Variants in TMEM178B observed in about 807,000 individuals in gnomAD.
TMEM178B encodes the protein transmembrane protein 178B.
A neutral mutation model predicts 31.0 loss-of-function variants in TMEM178B; 5 were observed. That is an observed-to-expected ratio of 0.16 (90% CI 0.08 to 0.34). The LOEUF is 0.34. Among genes scored for constraint, TMEM178B ranks in the 10% least tolerant of loss-of-function variants. TMEM178B has a pLI of 1.00. For missense variants in TMEM178B, 275 were observed against 400.3 expected (o/e 0.69, Z 2.67); for synonymous variants, 164 against 164.0 (o/e 1.00, Z 0.00).
intron 2 of TMEM178B, chr7:141,430,177 C>T (rs1211517208): frequency 1.3e-5 from 2 of 152,216 alleles, no homozygotes; most frequent in Non-Finnish European, 2.9e-5. Flanking sequence ...ATGCCTTCAC[C>T]TTGGCCTCTC....
intron 1 of TMEM178B, among the ~76,000 whole-genome samples, chr7:141,168,644 C>G (rs976359544): frequency 6.6e-6 from 1 of 151,996 alleles, no homozygotes; most frequent in Non-Finnish European, 1.5e-5. Context: ...GTGGCGAGCA[C>G]CTCTAATCCC....
chr7:141,371,565 A>G (rs1201004506), intron 2 of TMEM178B, among the ~76,000 whole-genome samples: 1 of 152,234 alleles, frequency 6.6e-6, no homozygotes, highest in East Asian at 1.9e-4. Flanking sequence ...GTGGGGCTAG[A>G]AGGAAGAAGG....
At chr7:141,310,506 C>G (rs1422433181) in intron 2 of TMEM178B, among the ~76,000 whole-genome samples, 1 of 152,118 alleles carries the variant, frequency 6.6e-6, no homozygotes, top group Non-Finnish European at 1.5e-5. Context: ...TTTGCTGCAC[C>G]TATCAACCCA....
At chr7:141,199,304 G>A (rs544707559) in intron 1 of TMEM178B, among the ~76,000 whole-genome samples, 1 of 152,332 alleles carries the variant, frequency 6.6e-6, no homozygotes, top group East Asian at 1.9e-4. Context: ...ATAGGTTGCT[G>A]CAAAAGTAAT....
In TMEM178B at chr7:141,392,151, T is replaced by C. The variant is rs112997156; in HGVS notation, c.497-45457T>C. Among the ~76,000 whole-genome samples the C allele has an allele frequency of 8.9e-3, 1,357 of 152,294 alleles. 27 individuals carry two copies. The highest frequency in any genetic ancestry group is 0.03 in the African/African-American group (1,228 of 41,560). ...GAAAGAAAAGTACAATAAACAATTA[T>C]ATACTGATCACTCAGATTCAAAACA... On this transcript the variant is annotated intron_variant, in intron 2 of 3. Coordinates refer to ENST00000565468, the MANE Select transcript of TMEM178B (RefSeq NM_001195278.2).
intron 2 of TMEM178B, among the ~76,000 whole-genome samples, chr7:141,245,868 G>A (rs1797722531): frequency 1.3e-5 from 2 of 152,172 alleles, no homozygotes; most frequent in Admixed American, 6.5e-5. Flanking sequence ...AAATGTTATT[G>A]TGTGGAGACA....
At chr7:141,307,341 C>A (rs115492942) in intron 2 of TMEM178B, among the ~76,000 whole-genome samples, 2 of 152,166 alleles carry the variant, frequency 1.3e-5, no homozygotes, top group Admixed American at 6.5e-5. Flanking sequence ...AATTTCCATA[C>A]GGGTATATTT....
chr7:141,312,946 G>A (rs1266566272), intron 2 of TMEM178B, among the ~76,000 whole-genome samples: 1 of 152,160 alleles, frequency 6.6e-6, no homozygotes, highest in African/African-American at 2.4e-5. Context: ...AATAACAGAT[G>A]TCCAAATTTA....
intron 2 of TMEM178B, among the ~76,000 whole-genome samples, chr7:141,384,410 G>A (rs2116593128): frequency 6.6e-6 from 1 of 152,322 alleles, no homozygotes; most frequent in East Asian, 1.9e-4. Flanking sequence ...GTGTAAGGAA[G>A]GGATCCAGTT....
At chr7:141,266,573 T>C (rs1798097950) in intron 2 of TMEM178B, among the ~76,000 whole-genome samples, 1 of 152,164 alleles carries the variant, frequency 6.6e-6, no homozygotes, top group Non-Finnish European at 1.5e-5. Flanking sequence ...GGCTTTTGGC[T>C]TAAGGAAGTC....
At chr7:141,337,696 G>A (rs1395935639) in intron 2 of TMEM178B, among the ~76,000 whole-genome samples, 1 of 152,140 alleles carries the variant, frequency 6.6e-6, no homozygotes, top group African/African-American at 2.4e-5. Flanking sequence ...TGTGTGTCTG[G>A]TATGTTTTCC....
chr7:141,120,550 G>A (rs1795391853), intron 1 of TMEM178B, among the ~76,000 whole-genome samples: 1 of 152,014 alleles, frequency 6.6e-6, no homozygotes, highest in African/African-American at 2.4e-5. Context: ...ACAACTAAAG[G>A]TGTCCTAAAG....
At position 141,344,548 on chromosome 7, in the gene TMEM178B, C is replaced by T. The variant is rs961248834; in HGVS notation, c.497-93060C>T. Among the ~76,000 whole-genome samples, 9 of 151,100 alleles carry T rather than the reference C, an allele frequency of 6.0e-5. 1 individual carries two copies. The highest frequency in any genetic ancestry group is 5.9e-4 in the Admixed American group (9 of 15,140). On this transcript the variant is annotated intron_variant, in intron 2 of 3. Transcript: ENST00000565468. This position sits in a 1 kb window ranked among gnomAD's most constrained non-coding sequence, Gnocchi z 4.1. Reference sequence around the variant, plus strand: ...TTTAAAGCTGGGATTTTAGTTTCTCCCTCCCTCCCTCCATTCCTCCCTCCT... The same window carrying T: ...TTTAAAGCTGGGATTTTAGTTTCTCTCTCCCTCCCTCCATTCCTCCCTCCT...
In TMEM178B at chr7:141,477,724, TTGC is replaced by T. The variant is rs1802399523; in HGVS notation, c.*6943_*6945del. 1 of 152,172 alleles carries T rather than the reference TTGC, an allele frequency of 6.6e-6. No homozygotes were observed. Among genetic ancestry groups the T allele is most frequent in the Non-Finnish European group, 1.5e-5 (1 of 68,058 alleles). 9.4% of individuals were successfully genotyped at this position (152,172 alleles called of 1,614,324 possible). On this transcript the variant is annotated 3_prime_UTR_variant, in exon 4 of 4. Coordinates refer to ENST00000565468, the MANE Select transcript of TMEM178B (RefSeq NM_001195278.2). ...GGGGTGCGCAGTCCCCTTGTGTATT[TTGC>T]TGCTATTTCTAGAGAGACTTTGAGC...
chr7:141,105,455 T>G (rs761015653), intron 1 of TMEM178B, among the ~76,000 whole-genome samples: 1 of 152,186 alleles, frequency 6.6e-6, no homozygotes, highest in Non-Finnish European at 1.5e-5. Context: ...TGCAGTGAGC[T>G]GAGATCGTGC....
At chr7:141,299,093 A>AGTGGTG in intron 2 of TMEM178B, among the ~76,000 whole-genome samples, 1 of 152,188 alleles carries the variant, frequency 6.6e-6, no homozygotes, top group Admixed American at 6.5e-5. Flanking sequence ...GCTGCCTCGT[A>AGTGGTG]GTGGTGGTGG....
chr7:141,359,673 G>C (rs533560285), intron 2 of TMEM178B, among the ~76,000 whole-genome samples: 1 of 152,132 alleles, frequency 6.6e-6, no homozygotes, highest in Admixed American at 6.5e-5. Context: ...AGAATTGGGG[G>C]CTGTTTTTAT....
At chr7:141,185,621 C>T (rs1388102813) in intron 1 of TMEM178B, among the ~76,000 whole-genome samples, 3 of 152,072 alleles carry the variant, frequency 2.0e-5, no homozygotes, top group Non-Finnish European at 4.4e-5. Flanking sequence ...TTCCTCTCGA[C>T]GTCCAGCTGC....
At chr7:141,375,093 G>T (rs1350520918) in intron 2 of TMEM178B, among the ~76,000 whole-genome samples, 1 of 152,194 alleles carries the variant, frequency 6.6e-6, no homozygotes, top group East Asian at 1.9e-4. Flanking sequence ...TTGCAGATTT[G>T]AAGAACAGTT....
Sources: allele counts gnomAD v4.1 joint callset (sites outside exome capture counted in the v4.1 genomes callset), GRCh38; gene constraint gnomAD v4.1.1; non-coding constraint Gnocchi (gnomAD v3.1); transcripts MANE v1.5; gene names NCBI Gene and HGNC (gene_info 2026-07-23, HGNC 2026-07-21).